DPP6: variants seen among roughly 807,000 people sequenced by gnomAD.
DPP6 encodes A-type potassium channel modulatory protein DPP6.
A neutral mutation model predicts 122.6 loss-of-function variants in DPP6; 69 were observed. That is an observed-to-expected ratio of 0.56 (90% CI 0.46 to 0.69). DPP6 has a LOEUF of 0.69. Among genes scored for constraint, DPP6 ranks in the 30% least tolerant of loss-of-function variants. The pLI is 0.00. For synonymous variants in DPP6, 418 were observed against 433.1 expected (o/e 0.97, Z 0.43); for missense variants, 928 against 1,116.9 (o/e 0.83, Z 2.41).
intron 7 of DPP6, among the ~76,000 whole-genome samples, chr7:154,677,826 C>T (rs1839011056): frequency 6.6e-6 from 1 of 152,142 alleles, no homozygotes; most frequent in African/African-American, 2.4e-5. Flanking sequence ...GAGAAACTCC[C>T]TTGTAGGGTC....
chr7:154,109,064 A>G (rs1806369370), intron 1 of DPP6, among the ~76,000 whole-genome samples: 4 of 152,200 alleles, frequency 2.6e-5, no homozygotes. Flanking sequence ...ATACAGGAAA[A>G]CGTCTAGAGC....
chr7:154,859,238 C>T (rs1803103521), intron 17 of DPP6, among the ~76,000 whole-genome samples: 1 of 152,248 alleles, frequency 6.6e-6, no homozygotes, highest in African/African-American at 2.4e-5. Context: ...CTCTGTTGAA[C>T]AGTGTGCAAA....
At chr7:153,780,109 T>C in the DPP6 span, among the ~76,000 whole-genome samples, 1 of 151,582 alleles carries the variant, frequency 6.6e-6, no homozygotes, top group African/African-American at 2.4e-5. Flanking sequence ...TTTAAAGAAA[T>C]AGCAAGCAAA....
chr7:153,891,343 C>A (rs1563210984), intron 1 of DPP6, among the ~76,000 whole-genome samples: 1 of 150,976 alleles, frequency 6.6e-6, no homozygotes, highest in Admixed American at 6.6e-5. Context: ...TATTTTAATT[C>A]TTGAGAAGAG....
intron 1 of DPP6, among the ~76,000 whole-genome samples, chr7:154,289,663 G>T (rs189195807): frequency 1.3e-5 from 2 of 152,156 alleles, no homozygotes; most frequent in South Asian, 4.1e-4. Context: ...AATAAACTGC[G>T]TGTGCCAGTA....
chr7:154,227,254 T>TA (rs957593214), intron 1 of DPP6, among the ~76,000 whole-genome samples: 35 of 11,576 alleles, frequency 3.0e-3, no homozygotes, highest in Admixed American at 0.016. Context: ...TAATGGGTGT[T>TA]AAAAAAAGAA....
intron 1 of DPP6, among the ~76,000 whole-genome samples, chr7:154,170,661 C>T (rs1486030996): frequency 7.9e-5 from 12 of 152,194 alleles, no homozygotes; most frequent in Non-Finnish European, 1.8e-4. Flanking sequence ...TGAAACCTCA[C>T]CATTTCCACA....
At chr7:153,771,672 G>A in the DPP6 span, among the ~76,000 whole-genome samples, 1 of 152,018 alleles carries the variant, frequency 6.6e-6, no homozygotes, top group Non-Finnish European at 1.5e-5. Context: ...AGGCTGGAAA[G>A]AAAAGAGTCA....
intron 7 of DPP6, among the ~76,000 whole-genome samples, chr7:154,727,170 A>G (rs1842104242): frequency 6.6e-6 from 1 of 152,210 alleles, no homozygotes; most frequent in African/African-American, 2.4e-5. Flanking sequence ...TATTTTAAAA[A>G]GAGGTTTAAT....
intron 1 of DPP6, among the ~76,000 whole-genome samples, chr7:154,259,336 G>A (rs1802851517): frequency 6.6e-6 from 1 of 152,118 alleles, no homozygotes; most frequent in Non-Finnish European, 1.5e-5. Flanking sequence ...CTCCCTCTAC[G>A]GAGCTTACAG....
At chr7:154,845,074 G>A (rs11243322) in intron 16 of DPP6, among the ~76,000 whole-genome samples, 121,056 of 152,180 alleles carry the variant, frequency 0.8, 48,218 homozygotes, top group East Asian at 0.83. Context: ...TCCTTAGCCT[G>A]ATTTAAATTT....
rs1430134337 is a variant in DPP6, at chr7:154,872,696, A to G, written c.1883+3A>G. The G allele has an allele frequency of 6.3e-7, 1 of 1,591,596 alleles. No homozygotes were observed. The highest frequency in any genetic ancestry group is 1.8e-5 in the Admixed American group (1 of 57,002). ...CACTACCCTCTGCTCCTGGTGGTGT[A>G]AGTATCGTCACATCTGTCTTTCCCT... On this transcript the variant is annotated splice_donor_region_variant and intron_variant, in intron 19 of 25. Coordinates refer to ENST00000377770, the MANE Select transcript of DPP6 (RefSeq NM_130797.4).
At chr7:154,777,562 A>ACAAATGCGCTTGTTTTCTGCTGG (rs1477162160) in intron 10 of DPP6, among the ~76,000 whole-genome samples, 3 of 152,138 alleles carry the variant, frequency 2.0e-5, no homozygotes, top group Non-Finnish European at 4.4e-5. Context: ...CACTGATAAA[A>ACAAATGCGCTTGTTTTCTGCTGG]CAAATGCGCT....
At chr7:154,236,899 C>T (rs985964401) in intron 1 of DPP6, among the ~76,000 whole-genome samples, 4 of 152,146 alleles carry the variant, frequency 2.6e-5, no homozygotes, top group Admixed American at 6.5e-5. Context: ...AGGGTTTCCC[C>T]GGTGCTCCCC....
chr7:154,880,572 C>T (rs1051708252), intron 20 of DPP6, among the ~76,000 whole-genome samples: 2 of 152,148 alleles, frequency 1.3e-5, no homozygotes, highest in Non-Finnish European at 2.9e-5. Context: ...AGCAGATGGA[C>T]CCCATGCAAC....
chr7:154,088,019 A>T (rs3095185), intron 1 of DPP6, among the ~76,000 whole-genome samples: 3 of 151,794 alleles, frequency 2.0e-5, no homozygotes, highest in Non-Finnish European at 2.9e-5. Flanking sequence ...GTGTGCTGGG[A>T]TGGAGGACAG....
chr7:154,336,305 C>G (rs1244744369), intron 1 of DPP6, among the ~76,000 whole-genome samples: 2 of 152,284 alleles, frequency 1.3e-5, no homozygotes, highest in African/African-American at 4.8e-5. Context: ...TGCACGGCGT[C>G]TCATCTCAGA....
At chr7:154,193,473 A>G (rs1798713258) in intron 1 of DPP6, among the ~76,000 whole-genome samples, 1 of 152,194 alleles carries the variant, frequency 6.6e-6, no homozygotes, top group Admixed American at 6.5e-5. Context: ...GATGGATTAC[A>G]TTTTAATAAG....
intron 6 of DPP6, among the ~76,000 whole-genome samples, chr7:154,643,079 A>G (rs1586794881): frequency 6.6e-6 from 1 of 152,304 alleles, no homozygotes. Flanking sequence ...CAAATGAAGG[A>G]ATAATATAAT....
Sources: allele counts gnomAD v4.1 joint callset (sites outside exome capture counted in the v4.1 genomes callset), GRCh38; gene constraint gnomAD v4.1.1; transcripts MANE v1.5; gene names NCBI Gene and HGNC (gene_info 2026-07-23, HGNC 2026-07-21).